Variants in DAB2IP observed in about 807,000 individuals in gnomAD.
The protein encoded by DAB2IP is DAB2 interacting protein, also known as disabled homolog 2-interacting protein.
Under a neutral mutation model 107.2 loss-of-function variants are expected in DAB2IP, and 28 were observed. The observed-to-expected ratio is 0.26, with a 90% CI of 0.19 to 0.36. The LOEUF (loss-of-function observed/expected upper bound fraction) is 0.36, where lower values mean the gene tolerates loss of function less well. Ranked by LOEUF, DAB2IP falls within the 10% of genes least tolerant of loss-of-function variation. The pLI, the probability that DAB2IP is intolerant of heterozygous loss-of-function variation, is 1.00. For missense variants in DAB2IP, 1,400 were observed against 1,644.7 expected (o/e 0.85, Z 2.57); for synonymous variants, 755 against 706.4 (o/e 1.07, Z -1.09).
In DAB2IP at chr9:121,776,327, G is replaced by C; in HGVS notation, c.3250G>C (p.Gly1084Arg). The C allele has an allele frequency of 6.4e-7, 1 of 1,560,006 alleles. No individual in the cohort carries two copies. Among genetic ancestry groups the C allele is most frequent in the Non-Finnish European group, 8.7e-7 (1 of 1,151,918 alleles). The change falls in exon 14 of 16, where the codon GGC becomes CGC. Residue 1084 changes from glycine (G) to arginine (R), a missense_variant. By Grantham distance (125) the Gly-to-Arg change is moderately radical. This residue lies in a region of DAB2IP where 600 missense variants were observed against 659.1 expected (regional missense o/e 0.91). Coordinates refer to ENST00000408936, the Ensembl canonical transcript of DAB2IP. The surrounding 1 kb of genome is among the most constrained non-coding windows in gnomAD (Gnocchi z 5.4). ...GGAGTACCAGGCACGGCTGGAGGAG[G>C]GCGAGGAGCGGCTGCGGCGGCAGCA... is the stretch of plus-strand genomic sequence containing the variant.
At chr9:121,685,470 C>T (rs535092691) in intron 2 of DAB2IP, among the ~76,000 whole-genome samples, 37 of 152,200 alleles carry the variant, frequency 2.4e-4, no homozygotes, top group Non-Finnish European at 4.1e-4. Context: ...CGCCCCACCC[C>T]ATTAATACAC....
At chr9:121,605,044 C>T (rs574354235) in intron 1 of DAB2IP, among the ~76,000 whole-genome samples, 2 of 152,160 alleles carry the variant, frequency 1.3e-5, no homozygotes, top group Non-Finnish European at 2.9e-5. Context: ...AATTGAGACA[C>T]GGTCTCCTTC....
At chr9:121,696,328 C>T (rs181820578) in intron 2 of DAB2IP, among the ~76,000 whole-genome samples, 11 of 152,304 alleles carry the variant, frequency 7.2e-5, no homozygotes, top group Admixed American at 3.9e-4. Context: ...GGCTCCACTG[C>T]GGTCCCGGAA....
At chr9:121,714,338 A>G (rs1830483914) in intron 3 of DAB2IP, among the ~76,000 whole-genome samples, 1 of 152,186 alleles carries the variant, frequency 6.6e-6, no homozygotes. Flanking sequence ...ATGCATTGTG[A>G]GATTAATGGG....
rs201300206 is a variant in DAB2IP, at chr9:121,678,756, C to T, written c.203C>T (p.Ser68Leu). ...GAGAAGAGCCCCAGCATGGAGCCCT[C>T]GGCCGCCACGCCGTTCCGGGTCACG... is the stretch of plus-strand genomic sequence containing the variant. The change falls in exon 2 of 16, where the codon TCG (serine) becomes TTG (leucine). Residue 68 changes from serine to leucine, a missense_variant. This residue lies in a region of DAB2IP where 283 missense variants were observed against 237.0 expected (regional missense o/e 1.19). Coordinates refer to ENST00000408936, the Ensembl canonical transcript of DAB2IP. The T allele has an allele frequency of 1.7e-3, 2,645 of 1,597,812 alleles. 3 individuals are homozygous for T. The highest frequency in any genetic ancestry group is 2.3e-3 in the Admixed American group (137 of 58,862).
chr9:121,749,202 C>T (rs966135140), intron 3 of DAB2IP, among the ~76,000 whole-genome samples: 3 of 152,238 alleles, frequency 2.0e-5, no homozygotes, highest in East Asian at 1.9e-4. Context: ...CCCAGGCCAG[C>T]GGGGCAAGGC....
intron 1 of DAB2IP, among the ~76,000 whole-genome samples, chr9:121,624,324 A>G (rs1487403532): frequency 1.3e-5 from 2 of 152,184 alleles, no homozygotes; most frequent in East Asian, 3.9e-4. Flanking sequence ...GGCAAGGAGG[A>G]AGGCATGCAC....
rs954943307 is a variant in DAB2IP, at chr9:121,772,267, G to T, written c.2079-340G>T. ...GATAGCAGAGAGCCACTGAGTTGTG[G>T]CTTAGGGCTTAGCTAAGGAGGAGTT... is the stretch of plus-strand genomic sequence containing the variant. On this transcript the variant is annotated intron_variant, in intron 11 of 15. Coordinates refer to ENST00000408936, the Ensembl canonical transcript of DAB2IP. This position sits in a 1 kb window ranked among gnomAD's most constrained non-coding sequence, Gnocchi z 4.7. Among the ~76,000 whole-genome samples the T allele has an allele frequency of 2.0e-5, 3 of 152,208 alleles. No individual in the cohort carries two copies. Among genetic ancestry groups the T allele is most frequent in the African/African-American group, 7.2e-5 (3 of 41,452 alleles).
rs73661763 is a variant in DAB2IP at position 121,588,731 on chromosome 9, G to A, written c.40+21503G>A. On this transcript the variant is annotated intron_variant, in intron 1 of 16. Coordinates refer to the DAB2IP transcript ENST00000259371. ...CTCAGCCCACCCTACACCTGGAGCT[G>A]GGATGCCCCTTCAGAGTCATCCTGA... 4.3e-3 allele frequency among the ~76,000 whole-genome samples: 659 copies of A among 151,994 alleles called. 5 individuals are homozygous for A. Among genetic ancestry groups the A allele is most frequent in the African/African-American group, 0.015 (631 of 41,432 alleles).
At chr9:121,765,877 T>C (rs1203128739) in intron 8 of DAB2IP, among the ~76,000 whole-genome samples, 2 of 152,184 alleles carry the variant, frequency 1.3e-5, no homozygotes, top group Admixed American at 1.3e-4. Context: ...TACCTCCCTT[T>C]CCCTCCCCAT....
chr9:121,757,200 C>T (rs1387238792), intron 4 of DAB2IP, 34 bp downstream of exon 4: 2 of 1,604,946 alleles, frequency 1.2e-6, no homozygotes, highest in Non-Finnish European at 1.7e-6. Flanking sequence ...GGTGGACACC[C>T]CATCCTCTCC....
At chr9:121,660,915 G>A (rs111378833) in intron 1 of DAB2IP, among the ~76,000 whole-genome samples, 2,597 of 152,230 alleles carry the variant, frequency 0.017, 69 homozygotes, top group African/African-American at 0.058. Flanking sequence ...TTCATTTATA[G>A]ACATTGAACT....
Position 121,699,242 on chromosome 9 carries a change from GGT to G in DAB2IP, c.229-81_229-80del. 8 of 1,100,910 alleles carry G rather than the reference GGT, an allele frequency of 7.3e-6. No homozygotes were observed. Among genetic ancestry groups the G allele is most frequent in the Non-Finnish European group, 7.8e-6 (7 of 902,212 alleles). 68.2% of individuals were successfully genotyped at this position (1,100,910 alleles called of 1,614,324 possible). A position where few individuals can be genotyped will look rare whatever the true frequency, so the allele number is the denominator to read the frequency against. On this transcript the variant is annotated intron_variant, in intron 2 of 15. Coordinates refer to ENST00000408936, the Ensembl canonical transcript of DAB2IP. This position sits in a 1 kb window ranked among gnomAD's most constrained non-coding sequence, Gnocchi z 6.2. ...CTCGGCCGCGCGGCCGCCCAGCAAG[GGT>G]GCGGGTCCCGCGCGGGTCCCGGCCC...
upstream of DAB2IP, among the ~76,000 whole-genome samples, chr9:121,648,958 G>T (rs1242871410): frequency 6.6e-6 from 1 of 152,160 alleles, no homozygotes; most frequent in Non-Finnish European, 1.5e-5. Context: ...GGGAGCAGAT[G>T]GGGGGCCAGT....
At chr9:121,679,361 A>T (rs1177125131) in intron 2 of DAB2IP, among the ~76,000 whole-genome samples, 8 of 149,880 alleles carry the variant, frequency 5.3e-5, no homozygotes, top group Non-Finnish European at 4.4e-5. Flanking sequence ...TGGAAACAGA[A>T]CCCAATGACC....
intron 3 of DAB2IP, among the ~76,000 whole-genome samples, chr9:121,731,300 C>T (rs1004208371): frequency 6.6e-6 from 1 of 152,154 alleles, no homozygotes; most frequent in Non-Finnish European, 1.5e-5. Flanking sequence ...CACCTGTTTT[C>T]ACATCTGTAA....
chr9:121,650,364 C>T (rs1832696701), upstream of DAB2IP, among the ~76,000 whole-genome samples: 1 of 152,224 alleles, frequency 6.6e-6, no homozygotes, highest in South Asian at 2.1e-4. Context: ...TCCCCGCTGG[C>T]TGAGAGCGCT....
intron 14 of DAB2IP, among the ~76,000 whole-genome samples, chr9:121,777,806 A>G (rs1307859083): frequency 6.6e-6 from 1 of 152,130 alleles, no homozygotes; most frequent in Non-Finnish European, 1.5e-5. Flanking sequence ...AACTATTCTT[A>G]GGTGCATATA....
intron 1 of DAB2IP, among the ~76,000 whole-genome samples, chr9:121,585,809 G>T (rs1173795938): frequency 1.3e-5 from 2 of 151,698 alleles, no homozygotes; most frequent in Non-Finnish European, 2.9e-5. Flanking sequence ...AGCTGAGATC[G>T]TGCCACTGGA....
Sources: gnomAD v4.1 joint callset for allele counts (sites outside exome capture counted in the v4.1 genomes callset) on GRCh38, gnomAD v4.1.1 for gene constraint, gnomAD v4.1.1 regional missense constraint, Gnocchi (gnomAD v3.1) non-coding constraint, MANE v1.5 for transcripts, NCBI Gene and HGNC (gene_info 2026-07-23, HGNC 2026-07-21) for gene names.